MRPS22: variants seen among roughly 807,000 people sequenced by gnomAD.
MRPS22 encodes the protein mitochondrial ribosomal protein S22.
In MRPS22, 30 loss-of-function variants were observed where a neutral mutation model predicts 44.0. The ratio of observed to expected loss-of-function variants is 0.68; its 90% confidence interval spans 0.51 to 0.93. The LOEUF (loss-of-function observed/expected upper bound fraction) is 0.93. Among genes scored for constraint, MRPS22 ranks in the 40% least tolerant of loss-of-function variants. MRPS22 has a pLI of 0.00. For synonymous variants in MRPS22, 165 were observed against 154.4 expected (o/e 1.07, Z -0.51); for missense variants, 447 against 447.8 (o/e 1.00, Z 0.02).
intron 4 of MRPS22, chr3:139,350,677 C>G (rs901709383): frequency 2.5e-5 from 9 of 361,930 alleles, no homozygotes; most frequent in East Asian, 1.2e-4. Context: ...TCGCACCCCC[C>G]CCCCGCAATC....
At chr3:139,356,774 T>G in intron 7 of MRPS22, 145 bp from the exon 8 acceptor site, 2 of 636,720 alleles carry the variant, frequency 3.1e-6, no homozygotes, top group Non-Finnish European at 5.6e-6. Flanking sequence ...TATTGTATAA[T>G]CGGGGGAAAA....
At chr3:139,355,902 T>C in intron 7 of MRPS22, 112 bp downstream of exon 7, 2 of 793,296 alleles carry the variant, frequency 2.5e-6, no homozygotes, top group Non-Finnish European at 4.4e-6. Context: ...ATGGGACATC[T>C]GTGGTCTTGA....
chr3:139,356,627 G>A (rs1339591736), intron 7 of MRPS22, among the ~76,000 whole-genome samples: 1 of 152,072 alleles, frequency 6.6e-6, no homozygotes, highest in Non-Finnish European at 1.5e-5. Flanking sequence ...CTAACCTAAT[G>A]GTTTTTGTTT....
chr3:139,352,563 C>T, intron 5 of MRPS22, 84 bp from the exon 6 acceptor site: 1 of 1,241,508 alleles, frequency 8.1e-7, no homozygotes, highest in Non-Finnish European at 1.2e-6. Flanking sequence ...GCTTGGGCAG[C>T]ACTCATGCTA....
At chr3:139,346,486 T>C (rs1014517067) in intron 1 of MRPS22, among the ~76,000 whole-genome samples, 1 of 152,238 alleles carries the variant, frequency 6.6e-6, no homozygotes, top group Non-Finnish European at 1.5e-5. Flanking sequence ...TTGGATAGGC[T>C]TCAGCATCCT....
intron 1 of MRPS22, among the ~76,000 whole-genome samples, chr3:139,345,438 G>GTTTTTTTTTT (rs55710231): frequency 3.3e-5 from 4 of 121,638 alleles, no homozygotes; most frequent in East Asian, 2.6e-4. Context: ...TGCCAGTGGT[G>GTTTTTTTTTT]TTTTTTTTTT....
chr3:139,355,345 T>C (rs1336743378), intron 6 of MRPS22, among the ~76,000 whole-genome samples: 1 of 152,216 alleles, frequency 6.6e-6, no homozygotes, highest in East Asian at 1.9e-4. Flanking sequence ...TAAGCTGGCC[T>C]GGAAATTGTC....
chr3:139,345,632 T>A (rs926968080), intron 1 of MRPS22, among the ~76,000 whole-genome samples: 3 of 152,190 alleles, frequency 2.0e-5, no homozygotes, highest in Non-Finnish European at 4.4e-5. Flanking sequence ...TTGATTACTG[T>A]TGTTGTTATT....
Position 139,357,110 on chromosome 3 carries a change from T to C in MRPS22, c.*96T>C, listed in dbSNP as rs887208171. Reference sequence around the variant, plus strand: ...TAAAAAATGGCCAGATTAAAAGATATCAATTTGTAGTTCTCCCTACAAAGC... The same window carrying C: ...TAAAAAATGGCCAGATTAAAAGATACCAATTTGTAGTTCTCCCTACAAAGC... On this transcript the variant is annotated 3_prime_UTR_variant, in exon 8 of 8. Coordinates refer to ENST00000680020, the MANE Select transcript of MRPS22 (RefSeq NM_020191.4). 2.2e-5 allele frequency: 23 copies of C among 1,057,008 alleles called. No homozygotes were observed. Among genetic ancestry groups the C allele is most frequent in the Non-Finnish European group, 3.0e-5 (21 of 706,330 alleles). The allele number at this position is 1,057,008 out of a possible 1,614,324, so 65.5% of individuals were successfully genotyped here.
intron 4 of MRPS22, 190 bp downstream of exon 4, chr3:139,350,512 C>T (rs1422752763): frequency 8.4e-6 from 5 of 593,332 alleles, no homozygotes; most frequent in African/African-American, 3.7e-5. Flanking sequence ...ACTGCAACCT[C>T]CACCTTCTGG....
intron 3 of MRPS22, 21 bp from the exon 4 acceptor site, chr3:139,350,158 G>C (rs1576363082): frequency 1.2e-6 from 2 of 1,613,878 alleles, no homozygotes; most frequent in Admixed American, 3.3e-5. Flanking sequence ...ACGCATCCTT[G>C]ATTATGTTTT....
At chr3:139,350,877 A>C in intron 4 of MRPS22, 100 bp from the exon 5 acceptor site, 3 of 854,834 alleles carry the variant, frequency 3.5e-6, no homozygotes, top group Non-Finnish European at 6.1e-6. Flanking sequence ...TGAGGAGCAC[A>C]GAGTGGCCAG....
chr3:139,350,932 A>T, intron 4 of MRPS22, 45 bp from the exon 5 acceptor site: 1 of 1,513,646 alleles, frequency 6.6e-7, no homozygotes, highest in Non-Finnish European at 9.2e-7. Context: ...CAGGTGCTGA[A>T]CTTCAGTGTT....
chr3:139,347,003 C>A lies in MRPS22; in HGVS notation c.298C>A (p.Pro100Thr). The A allele has an allele frequency of 6.2e-7, 1 of 1,614,170 alleles. No individual in the cohort carries two copies. The highest frequency in any genetic ancestry group is 1.1e-5 in the South Asian group (1 of 91,084). ...TAAGCCAGCTATACAAGAACTGAAG[C>A]CACCAACCTATAAGCTAATGACTCA... is the stretch of plus-strand genomic sequence containing the variant. Reference protein sequence around the residue: ...TFKPAIQELKPPTYKLMTQAQ... With the variant: ...TFKPAIQELKTPTYKLMTQAQ... The change falls in exon 2 of 8, where the codon CCA becomes ACA. Residue 100 changes from proline (P) to threonine (T), a missense_variant. Coordinates refer to ENST00000680020, the MANE Select transcript of MRPS22 (RefSeq NM_020191.4).
At chr3:139,350,391 G>T in intron 4 of MRPS22, 69 bp downstream of exon 4, 1 of 1,550,884 alleles carries the variant, frequency 6.4e-7, no homozygotes, top group Non-Finnish European at 8.9e-7. Flanking sequence ...AGTTGGCTTT[G>T]TGCCTTGATC....
intron 7 of MRPS22, 114 bp from the exon 8 acceptor site, chr3:139,356,804 CT>C: frequency 2.7e-6 from 2 of 736,662 alleles, no homozygotes; most frequent in Non-Finnish European, 4.6e-6. Context: ...TCTGAAAGCC[CT>C]TTTTAAGTAG....
rs114012181 is a variant in MRPS22, at chr3:139,344,857, C to A, written c.172+659C>A. ...AAGAAGATTAATTAATTGTTGGAAC[C>A]GTTATTTTGGGGGCGGGGGTAGTGC... On this transcript the variant is annotated intron_variant, in intron 1 of 7. Coordinates refer to ENST00000680020, the MANE Select transcript of MRPS22 (RefSeq NM_020191.4). The A allele has an allele frequency of 2.9e-5, 16 of 546,986 alleles. 1 individual carries two copies. Among genetic ancestry groups the A allele is most frequent in the Middle Eastern group, 5.5e-4 (2 of 3,668 alleles). The allele number at this position is 546,986 out of a possible 1,614,324, so 33.9% of individuals were successfully genotyped here. A position where few individuals can be genotyped will look rare whatever the true frequency, so the allele number is the denominator to read the frequency against.
At chr3:139,345,788 T>C (rs561208715) in intron 1 of MRPS22, among the ~76,000 whole-genome samples, 9 of 152,266 alleles carry the variant, frequency 5.9e-5, no homozygotes, top group African/African-American at 1.9e-4. Context: ...GGGTTCTGAC[T>C]TGGCAGTATT....
chr3:139,344,772 T>TA (rs1941006873), intron 1 of MRPS22: 1 of 643,642 alleles, frequency 1.6e-6, no homozygotes, highest in African/African-American at 1.8e-5. Context: ...AAGGGACAAA[T>TA]TAAGATTGTT....
Sources: gnomAD v4.1 joint callset for allele counts (sites outside exome capture counted in the v4.1 genomes callset) on GRCh38, gnomAD v4.1.1 for gene constraint, MANE v1.5 for transcripts, NCBI Gene and HGNC (gene_info 2026-07-23, HGNC 2026-07-21) for gene names.